ARHGEF3: variants seen among roughly 807,000 people sequenced by gnomAD.
ARHGEF3 encodes Rho guanine nucleotide exchange factor 3, also known as 59.8 kDA protein.
Under a neutral mutation model 63.2 loss-of-function variants are expected in ARHGEF3, and 28 were observed. The ratio of observed to expected loss-of-function variants is 0.44; its 90% CI spans 0.33 to 0.61. The LOEUF is 0.61. Ranked by LOEUF, ARHGEF3 falls within the 20% of genes least tolerant of loss-of-function variation. The pLI is 0.03. For synonymous variants in ARHGEF3, 266 were observed against 254.2 expected (o/e 1.05, Z -0.44); for missense variants, 533 against 659.3 (o/e 0.81, Z 2.10).
intron 1 of ARHGEF3, among the ~76,000 whole-genome samples, chr3:56,779,594 G>A (rs917853490): frequency 6.6e-6 from 1 of 152,094 alleles, no homozygotes; most frequent in Non-Finnish European, 1.5e-5. Context: ...CCGGGTTCAC[G>A]CCATGGACAA....
At chr3:57,002,261 T>G (rs1355535428) in intron 2 of ARHGEF3, among the ~76,000 whole-genome samples, 2 of 150,906 alleles carry the variant, frequency 1.3e-5, no homozygotes, top group African/African-American at 4.9e-5. Context: ...GTATCATTAG[T>G]CAGTAGTATC....
At chr3:56,756,936 T>G (rs2035109019) in intron 2 of ARHGEF3, among the ~76,000 whole-genome samples, 1 of 151,990 alleles carries the variant, frequency 6.6e-6, no homozygotes, top group South Asian at 2.1e-4. Flanking sequence ...CCCATCCTCC[T>G]CCCCCAGAGC....
intron 1 of ARHGEF3, chr3:56,774,928 A>ACAACAAC: frequency 8.2e-7 from 1 of 1,213,742 alleles, no homozygotes; most frequent in South Asian, 1.8e-5. Flanking sequence ...AACAACAACA[A>ACAACAAC]AAAAAAAACA....
intron 1 of ARHGEF3, among the ~76,000 whole-genome samples, chr3:56,782,773 G>A (rs139614306): frequency 6.6e-6 from 1 of 152,166 alleles, no homozygotes; most frequent in Non-Finnish European, 1.5e-5. Context: ...CTGCAGACAG[G>A]CTTTCGGGCT....
chr3:56,917,883 GCC>G (rs2042027209), intron 3 of ARHGEF3, among the ~76,000 whole-genome samples: 1 of 152,212 alleles, frequency 6.6e-6, no homozygotes, highest in Non-Finnish European at 1.5e-5. Context: ...ACTGTAAAAA[GCC>G]TTACGCCTTT....
chr3:56,867,756 C>CTTG (rs2040302511), intron 4 of ARHGEF3, among the ~76,000 whole-genome samples: 1 of 152,180 alleles, frequency 6.6e-6, no homozygotes, highest in African/African-American at 2.4e-5. Flanking sequence ...CAAGTGTAAG[C>CTTG]TACCGCGCCT....
Position 56,737,167 on chromosome 3 carries a change from A to G in ARHGEF3, c.1041+18T>C. ...TACGGGAGGCGGATAAGACTGCTTAAAGGGAGTAACTACTTACCACGCCCC... is the reference window on the plus strand; with the variant it reads ...TACGGGAGGCGGATAAGACTGCTTAGAGGGAGTAACTACTTACCACGCCCC... On this transcript the variant is annotated intron_variant, in intron 8 of 9. Coordinates refer to ENST00000296315, the MANE Select transcript of ARHGEF3 (RefSeq NM_019555.3). 6.2e-7 allele frequency: 1 copy of G among 1,606,878 alleles called. No homozygotes were observed. Among genetic ancestry groups the G allele is most frequent in the East Asian group, 2.2e-5 (1 of 44,802 alleles).
chr3:56,975,644 G>T, intron 2 of ARHGEF3: 1 of 256,638 alleles, frequency 3.9e-6, no homozygotes, highest in Non-Finnish European at 7.8e-6. Flanking sequence ...GTAGGCATCA[G>T]AGTGGGATTC....
At chr3:56,746,428 T>C (rs969587470) in intron 6 of ARHGEF3, among the ~76,000 whole-genome samples, 4 of 152,314 alleles carry the variant, frequency 2.6e-5, no homozygotes, top group Admixed American at 6.5e-5. Flanking sequence ...TTTGTGAACC[T>C]TGCTTAAAAA....
At chr3:56,863,223 C>T (rs2040138118) in intron 4 of ARHGEF3, among the ~76,000 whole-genome samples, 1 of 150,784 alleles carries the variant, frequency 6.6e-6, no homozygotes. Context: ...CTATAACCTC[C>T]GCCTCCCATG....
chr3:56,770,341 C>T (rs1187995978), intron 2 of ARHGEF3, among the ~76,000 whole-genome samples: 6 of 151,754 alleles, frequency 4.0e-5, no homozygotes, highest in African/African-American at 1.5e-4. Context: ...ACCCAGGAGG[C>T]GCAGGTGGAG....
intron 3 of ARHGEF3, among the ~76,000 whole-genome samples, chr3:56,913,888 C>G (rs971234214): frequency 6.6e-6 from 1 of 152,126 alleles, no homozygotes; most frequent in African/African-American, 2.4e-5. Context: ...GAACACCCAT[C>G]AATCGAGGAG....
intron 3 of ARHGEF3, among the ~76,000 whole-genome samples, chr3:56,912,825 G>A (rs2041887169): frequency 6.6e-6 from 1 of 152,174 alleles, no homozygotes. Context: ...AATTACCCCA[G>A]TCACATCAAA....
intron 4 of ARHGEF3, among the ~76,000 whole-genome samples, chr3:56,840,972 T>C (rs1310470141): frequency 6.6e-6 from 1 of 152,182 alleles, no homozygotes; most frequent in Non-Finnish European, 1.5e-5. Context: ...TACACACAGT[T>C]AAGCAGTACC....
At chr3:56,873,200 A>C (rs1204594662) in intron 4 of ARHGEF3, among the ~76,000 whole-genome samples, 3 of 141,996 alleles carry the variant, frequency 2.1e-5, no homozygotes, top group South Asian at 2.3e-4. Context: ...ACCTCAAACA[A>C]GTTTTACTTT....
At chr3:56,798,439 T>C (rs916216142) in intron 1 of ARHGEF3, among the ~76,000 whole-genome samples, 2 of 152,056 alleles carry the variant, frequency 1.3e-5, no homozygotes, top group African/African-American at 4.8e-5. Flanking sequence ...TGATTAAAAA[T>C]GAACTGGACC....
chr3:56,994,389 G>A (rs558049608), intron 2 of ARHGEF3, among the ~76,000 whole-genome samples: 1 of 152,270 alleles, frequency 6.6e-6, no homozygotes, highest in East Asian at 1.9e-4. Context: ...GAATCATCCT[G>A]AGCATTAAAA....
intron 4 of ARHGEF3, among the ~76,000 whole-genome samples, chr3:56,880,115 C>T (rs1254986362): frequency 6.6e-6 from 1 of 152,132 alleles, no homozygotes; most frequent in Non-Finnish European, 1.5e-5. Context: ...TATTATAATA[C>T]TATGTGGCAA....
chr3:57,035,686 T>A (rs1703923467), intron 1 of ARHGEF3, among the ~76,000 whole-genome samples: 1 of 152,228 alleles, frequency 6.6e-6, no homozygotes, highest in African/African-American at 2.4e-5. Context: ...CAGGGAGATA[T>A]AGCCAAATAT....
Sources: gnomAD v4.1 joint callset for allele counts (sites outside exome capture counted in the v4.1 genomes callset) on GRCh38, gnomAD v4.1.1 for gene constraint, MANE v1.5 for transcripts, NCBI Gene and HGNC (gene_info 2026-07-23, HGNC 2026-07-21) for gene names.